The following BBX variants were observed in gnomAD, a reference collection of about 807,000 sequenced individuals.
BBX encodes HMG box transcription factor BBX.
Under a neutral mutation model 100.2 loss-of-function variants are expected in BBX, and 30 were observed. That is an observed-to-expected ratio of 0.30 (90% CI 0.22 to 0.41). BBX has a LOEUF of 0.41. BBX is among the 10% of genes least tolerant of loss of function. BBX has a pLI of 1.00. For missense variants in BBX, 1,023 were observed against 1,129.8 expected, an observed-to-expected ratio of 0.91 and a Z score of 1.35; for synonymous variants, 376 against 388.1, an observed-to-expected ratio of 0.97 and a Z score of 0.37.
intron 2 of BBX, among the ~76,000 whole-genome samples, chr3:107,615,271 C>CACCA (rs2107668526): frequency 6.6e-6 from 1 of 152,278 alleles, no homozygotes; most frequent in African/African-American, 2.4e-5. Context: ...GTAAACCAGA[C>CACCA]ACCAGCTTGA....
chr3:107,596,165 C>T (rs961301406), intron 2 of BBX, among the ~76,000 whole-genome samples: 1 of 152,106 alleles, frequency 6.6e-6, no homozygotes, highest in African/African-American at 2.4e-5. Flanking sequence ...ACACTCATCT[C>T]TTACTTAACC....
chr3:107,532,444 C>T (rs1481413932), intron 2 of BBX, among the ~76,000 whole-genome samples: 1 of 152,124 alleles, frequency 6.6e-6, no homozygotes, highest in African/African-American at 2.4e-5. Flanking sequence ...TTTAATTGTT[C>T]TAATTGGGGT....
chr3:107,679,995 A>G (rs757328534), intron 3 of BBX, among the ~76,000 whole-genome samples: 5 of 152,214 alleles, frequency 3.3e-5, no homozygotes, highest in Non-Finnish European at 7.3e-5. Context: ...GTAAGAAAGC[A>G]GGGTCTGAGT....
intron 3 of BBX, among the ~76,000 whole-genome samples, chr3:107,690,043 G>A (rs1372343933): frequency 6.6e-6 from 1 of 152,072 alleles, no homozygotes; most frequent in Non-Finnish European, 1.5e-5. Flanking sequence ...CAGCAAATAA[G>A]GTAGCCTAGG....
In BBX at chr3:107,778,138, A is replaced by T. The variant is rs574895176; in HGVS notation, c.2055-233A>T. The stretch of plus-strand genomic sequence containing the variant: ...CAGAAATATTCTAATATTATAAATG[A>T]TGTTTCTACTTTTCTAAGGTAATAA... On this transcript the variant is annotated intron_variant, in intron 12 of 17. Transcript: ENST00000325805. Among the ~76,000 whole-genome samples, 4 of 152,240 alleles carry T rather than the reference A, an allele frequency of 2.6e-5. No individual in the cohort carries two copies. In the East Asian group the frequency reaches 7.7e-4, roughly 29 times the overall value.
intron 2 of BBX, among the ~76,000 whole-genome samples, chr3:107,593,542 A>G (rs2053478025): frequency 6.6e-6 from 1 of 152,214 alleles, no homozygotes; most frequent in African/African-American, 2.4e-5. Context: ...TGAGTGCAAC[A>G]CAGCATACTA....
chr3:107,618,940 A>G (rs1290720547), intron 2 of BBX, among the ~76,000 whole-genome samples: 44 of 152,150 alleles, frequency 2.9e-4, no homozygotes. Context: ...GTTCTTATAT[A>G]TCCTTTCTGA....
chr3:107,702,603 G>A (rs2061147100), intron 3 of BBX, among the ~76,000 whole-genome samples: 1 of 152,046 alleles, frequency 6.6e-6, no homozygotes, highest in African/African-American at 2.4e-5. Context: ...TCCAAAAAAA[G>A]CATCTGGCAT....
rs992550150 is a variant in BBX, at chr3:107,580,560, A to T, written c.-84+54162A>T. On this transcript the variant is annotated intron_variant, in intron 2 of 17. Coordinates refer to ENST00000325805, the MANE Select transcript of BBX (RefSeq NM_001142568.3). Reference sequence around the variant, plus strand: ...AATCTTAATATTTAAATATTTACCAAAATATATGACTCATATGTAGGTAAG... The same window carrying T: ...AATCTTAATATTTAAATATTTACCATAATATATGACTCATATGTAGGTAAG... 7.9e-5 allele frequency among the ~76,000 whole-genome samples: 12 copies of T among 152,172 alleles called. 1 individual carries two copies. The highest frequency in any genetic ancestry group is 6.5e-5 in the Admixed American group (1 of 15,270).
At chr3:107,736,388 A>C (rs1021502) in intron 7 of BBX, among the ~76,000 whole-genome samples, 149,898 of 151,890 alleles carry the variant, frequency 0.99, 73,990 homozygotes, top group East Asian at 1. Context: ...CCTCTCTATT[A>C]AATAGAATGC....
At chr3:107,726,552 T>G (rs2062953963) in intron 5 of BBX, among the ~76,000 whole-genome samples, 1 of 152,062 alleles carries the variant, frequency 6.6e-6, no homozygotes, top group Non-Finnish European at 1.5e-5. Context: ...TTACAGAGTG[T>G]TGACCCTCAT....
intron 2 of BBX, among the ~76,000 whole-genome samples, chr3:107,535,434 G>C (rs747070561): frequency 6.6e-6 from 1 of 151,870 alleles, no homozygotes; most frequent in Non-Finnish European, 1.5e-5. Flanking sequence ...TGTTTAGTCA[G>C]CTTTCTTTCT....
intron 3 of BBX, among the ~76,000 whole-genome samples, chr3:107,647,447 G>C (rs1390640630): frequency 6.6e-6 from 1 of 152,172 alleles, no homozygotes; most frequent in Non-Finnish European, 1.5e-5. Context: ...TATTGCAATA[G>C]AGTGTTTTAT....
intron 2 of BBX, among the ~76,000 whole-genome samples, chr3:107,615,133 T>C (rs1282904589): frequency 6.6e-6 from 1 of 152,156 alleles, no homozygotes; most frequent in African/African-American, 2.4e-5. Context: ...GCTAGGAGAC[T>C]GGTATATTGG....
intron 6 of BBX, among the ~76,000 whole-genome samples, chr3:107,732,244 G>T (rs1459218261): frequency 6.6e-6 from 1 of 151,890 alleles, no homozygotes; most frequent in East Asian, 1.9e-4. Flanking sequence ...GATACAACCT[G>T]GGTTATAGAT....
chr3:107,777,262 T>A (rs1355108811), intron 12 of BBX, among the ~76,000 whole-genome samples: 1 of 152,024 alleles, frequency 6.6e-6, no homozygotes, highest in African/African-American at 2.4e-5. Flanking sequence ...TTGGAGTATA[T>A]CCCCCCTCCA....
rs541588224 is a variant in BBX at position 107,663,996 on chromosome 3, G to A, written c.-10+18087G>A. On this transcript the variant is annotated intron_variant, in intron 3 of 17. Transcript: ENST00000325805. ...AATTTTTTGTATTTTTAGTAGAGAC[G>A]AGGTTTCACCGTGTTAGCCAGGATG... Among the ~76,000 whole-genome samples, 288 of 152,050 alleles carry A rather than the reference G, an allele frequency of 1.9e-3. 1 individual carries two copies. Among genetic ancestry groups the A allele is most frequent in the Admixed American group, 5.2e-3 (80 of 15,278 alleles).
rs2065720021 is a variant in BBX at position 107,759,321 on chromosome 3, G to C, written c.906+3643G>C. Among the ~76,000 whole-genome samples the C allele has an allele frequency of 2.0e-5, 3 of 152,304 alleles. No homozygotes were observed. The South Asian group carries it at 6.2e-4, about 32-fold the overall frequency. ...TTTTTAAGGGTTTTGTCTGAGGTCA[G>C]GGAATTGGCAGAAATATAATGCTTT... On this transcript the variant is annotated intron_variant, in intron 10 of 17. Coordinates refer to ENST00000325805, the MANE Select transcript of BBX (RefSeq NM_001142568.3).
chr3:107,585,451 T>C (rs949267997), intron 2 of BBX, among the ~76,000 whole-genome samples: 1 of 152,146 alleles, frequency 6.6e-6, no homozygotes, highest in African/African-American at 2.4e-5. Flanking sequence ...TGGAAGCTAA[T>C]GAAGGCTTAG....
Sources: allele counts gnomAD v4.1 joint callset (sites outside exome capture counted in the v4.1 genomes callset), GRCh38; gene constraint gnomAD v4.1.1; transcripts MANE v1.5; gene names NCBI Gene and HGNC (gene_info 2026-07-23, HGNC 2026-07-21).